The following IRS4 variants were observed in gnomAD, a reference collection of about 807,000 sequenced individuals.
The protein encoded by IRS4 is insulin receptor substrate 4.
Under a neutral mutation model 48.6 loss-of-function variants are expected in IRS4, and 15 were observed. That is an observed-to-expected ratio of 0.31 (90% CI 0.21 to 0.48). The LOEUF is 0.48. IRS4 is among the 20% of genes least tolerant of loss of function. The pLI is 0.99. For synonymous variants in IRS4, 459 were observed against 413.2 expected (o/e 1.11, Z -1.34); for missense variants, 987 against 1,023.4 (o/e 0.96, Z 0.49).
rs781288107 is a variant in IRS4, at chrX:108,735,928, G to A, written c.417C>T (p.Pro139=). The change falls in exon 1 of 2, where the codon CCC becomes CCT. Residue 139 remains proline (P), a synonymous_variant. Transcript: ENST00000372129. ...AAAAASGAAI[P]PLIPPRRVIT... Reference sequence around the variant, plus strand: ...TCACGCGCCGCGGTGGAATGAGCGGGGGGATCGCGGCGCCAGAGGCGGCCG... The same window carrying A: ...TCACGCGCCGCGGTGGAATGAGCGGAGGGATCGCGGCGCCAGAGGCGGCCG... 7 of 1,206,287 alleles carry A rather than the reference G, an allele frequency of 5.8e-6. No homozygotes were observed. The East Asian group carries it at 1.8e-4, about 31-fold the overall frequency.
At position 108,735,119 on chromosome X, in the gene IRS4, G is replaced by C. The variant is rs1310256339; in HGVS notation, c.1226C>G (p.Ser409Cys). The change falls in exon 1 of 2, where the codon TCC (serine) becomes TGC (cysteine). Residue 409 changes from serine to cysteine, a missense_variant. Coordinates refer to ENST00000372129, the MANE Select transcript of IRS4 (RefSeq NM_001379150.1). ...GGGCAGGTGCAGTCTTCCTCGCCTG[G>C]AGTGGGCCACAGGCTCGCTGGGTGT... ...FVTPSEPVAH[S>C]RRGRLHLPRG... 4 of 1,209,839 alleles carry C rather than the reference G, an allele frequency of 3.3e-6. No homozygotes were observed. In the African/African-American group the frequency reaches 7.0e-5, roughly 21 times the overall value.
chrX:108,734,276 C>T lies in IRS4; in HGVS notation c.2069G>A (p.Arg690Lys). 2.5e-6 allele frequency: 3 copies of T among 1,211,642 alleles called. No individual in the cohort carries two copies. The highest frequency in any genetic ancestry group is 3.4e-6 in the Non-Finnish European group (3 of 895,500). ...EGAARGPHRA[R>K]AFDEDEDDPY... ...GTCATCCTCATCTTCATCAAAAGCT[C>T]TGGCTCTGTGGGGACCTCGAGCTGC... The change falls in exon 1 of 2, where the codon AGA becomes AAA. Residue 690 changes from arginine (R) to lysine (K), a missense_variant. Physicochemically the swap from Arg to Lys is conservative, Grantham distance 26. Coordinates refer to ENST00000372129, the MANE Select transcript of IRS4 (RefSeq NM_001379150.1).
At position 108,734,907 on chromosome X, in the gene IRS4, G is replaced by C. The variant is rs1330568263; in HGVS notation, c.1438C>G (p.Gln480Glu). The change falls in exon 1 of 2, where the codon CAG becomes GAG. Residue 480 changes from glutamine to glutamate, a missense_variant. Transcript: ENST00000372129. The part of the protein sequence containing the change: ...EEGNPQGKED[Q>E]EGSGGDYMPM... ...ATGTAGTCACCTCCGCTTCCTTCCT[G>C]ATCTTCTTTGCCCTGGGGATTGCCT... 1 of 1,211,908 alleles carries C rather than the reference G, an allele frequency of 8.3e-7. No individual in the cohort carries two copies.
rs777926043 is a variant in IRS4, at chrX:108,734,331, C to T, written c.2014G>A (p.Glu672Lys). Residue 672 changes from glutamate to lysine, a missense_variant, in exon 1 of 2, where the codon GAA becomes AAA. Coordinates refer to ENST00000372129, the MANE Select transcript of IRS4 (RefSeq NM_001379150.1). ...GATKECKEAK[E>K]VKDAEIPEGA... ...TCTGGGATCTCTGCATCTTTCACTT[C>T]TTTGGCTTCTTTGCATTCTTTCGTG... The T allele has an allele frequency of 8.3e-7, 1 of 1,208,890 alleles. No homozygotes were observed. Among genetic ancestry groups the T allele is most frequent in the African/African-American group, 1.8e-5 (1 of 56,744 alleles).
chrX:108,736,282 C>CCGCTGCT lies in IRS4; in HGVS notation c.62_63insAGCAGCG (p.Ala24GlyfsTer83). 1 of 1,208,036 alleles carries CCGCTGCT rather than the reference C, an allele frequency of 8.3e-7. No individual in the cohort carries two copies. On this transcript the variant is annotated frameshift_variant, in exon 1 of 2. Coordinates refer to ENST00000372129, the MANE Select transcript of IRS4 (RefSeq NM_001379150.1). LOFTEE classifies it high-confidence loss of function. ...CCACTGCTGCTAGAGCTGCCGCTGCCGCCGCTGCTGCACCTCTTAGTCTTC... is the reference window on the plus strand; with the variant it reads ...CCACTGCTGCTAGAGCTGCCGCTGCCCGCTGCTGCCGCTGCTGCACCTCTTAGTCTTC...
rs1569511362 is a variant in IRS4, at chrX:108,736,279, T to C, written c.66A>G (p.Ala22=). ...TRRLRGAAAA[A]AAALAAVVTT... Reference sequence around the variant, plus strand: ...TCACCACTGCTGCTAGAGCTGCCGCTGCCGCCGCTGCTGCACCTCTTAGTC... The same window carrying C: ...TCACCACTGCTGCTAGAGCTGCCGCCGCCGCCGCTGCTGCACCTCTTAGTC... The change falls in exon 1 of 2, where the codon GCA becomes GCG. Residue 22 remains alanine, a synonymous_variant. Transcript: ENST00000372129. 8.4e-6 allele frequency: 10 copies of C among 1,189,620 alleles called. No individual in the cohort carries two copies. In the East Asian group the frequency reaches 2.1e-4, roughly 25 times the overall value.
At chrX:108,731,310 G>A (rs1301926708) in intron 1 of IRS4, among the ~76,000 whole-genome samples, 1 of 110,839 alleles carries the variant, frequency 9.0e-6, no homozygotes, top group African/African-American at 3.3e-5. Flanking sequence ...AAGCACAGTG[G>A]GCAGAGATCC....
Position 108,734,317 on chromosome X carries a change from T to C in IRS4, c.2028A>G (p.Ala676=). 8.3e-7 allele frequency: 1 copy of C among 1,211,307 alleles called. No homozygotes were observed. The highest frequency in any genetic ancestry group is 1.7e-5 in the African/African-American group (1 of 57,588). ...CTCGAGCTGCACCTTCTGGGATCTCTGCATCTTTCACTTCTTTGGCTTCTT... is the reference window on the plus strand; with the variant it reads ...CTCGAGCTGCACCTTCTGGGATCTCCGCATCTTTCACTTCTTTGGCTTCTT... ...ECKEAKEVKD[A]EIPEGAARGP... Residue 676 remains alanine (A), a synonymous_variant, in exon 1 of 2, where the codon GCA becomes GCG. Coordinates refer to ENST00000372129, the MANE Select transcript of IRS4 (RefSeq NM_001379150.1).
Position 108,734,436 on chromosome X carries a change from G to T in IRS4, c.1909C>A (p.Pro637Thr). ...CCACCAGTTCCTCCAGCTGGTGGGG[G>T]TGGAGGAGGAGGTGGTGGAGGTGGT... ...MPPPPPPPPP[P>T]PPAGGTGGKG... The change falls in exon 1 of 2, where the codon CCC becomes ACC. Residue 637 changes from proline (P) to threonine (T), a missense_variant. Around this residue, in one of 4 missense-constraint regions of IRS4, gnomAD observed 720 missense variants for 660.3 expected, o/e 1.09. Coordinates refer to ENST00000372129, the MANE Select transcript of IRS4 (RefSeq NM_001379150.1). 5.8e-6 allele frequency: 7 copies of T among 1,211,978 alleles called. No individual in the cohort carries two copies. The highest frequency in any genetic ancestry group is 7.8e-6 in the Non-Finnish European group (7 of 895,562).
rs2068923109 is a variant in IRS4 at position 108,733,604 on chromosome X, T to A, written c.2741A>T (p.Glu914Val). The A allele has an allele frequency of 3.3e-6, 4 of 1,212,119 alleles. No homozygotes were observed. The highest frequency in any genetic ancestry group is 4.5e-6 in the Non-Finnish European group (4 of 895,609). The change falls in exon 1 of 2, where the codon GAA (glutamate) becomes GTA (valine). Residue 914 changes from glutamate (E) to valine (V), a missense_variant. Coordinates refer to ENST00000372129, the MANE Select transcript of IRS4 (RefSeq NM_001379150.1). The stretch of plus-strand genomic sequence containing the variant: ...GACGTAGTCACTAGAGCTGTCAGCT[T>A]CTCTCTGCTCATGTGTGGGCTTTTG... ...KPQKPTHEQR[E>V]ADSSSDYVNM... is the part of the protein sequence containing the mutation.
At position 108,732,671 on chromosome X, in the gene IRS4, G is replaced by T. The variant is rs752900509; in HGVS notation, c.3674C>A (p.Pro1225His). 9 of 1,209,793 alleles carry T rather than the reference G, an allele frequency of 7.4e-6. No individual in the cohort carries two copies. In the Admixed American group the frequency reaches 1.7e-4, roughly 23 times the overall value. The change falls in exon 1 of 2, where the codon CCC becomes CAC. Residue 1225 changes from proline (P) to histidine (H), a missense_variant. Physicochemically the swap from Pro to His is moderately conservative, Grantham distance 77. Around this residue, in one of 4 missense-constraint regions of IRS4, gnomAD observed 720 missense variants for 660.3 expected, o/e 1.09. Coordinates refer to ENST00000372129, the MANE Select transcript of IRS4 (RefSeq NM_001379150.1). ...PPPRSRRVPR[P>H]PEREDSDNDD... is the part of the protein sequence containing the mutation. The stretch of plus-strand genomic sequence containing the variant: ...GTTGTCAGAATCTTCTCTCTCCGGG[G>T]GTCTTGGCACCCGGCGACTGCGAGG...
chrX:108,735,801 C>T lies in IRS4; in HGVS notation c.544G>A (p.Glu182Lys). 1 of 1,209,224 alleles carries T rather than the reference C, an allele frequency of 8.3e-7. No individual in the cohort carries two copies. The highest frequency in any genetic ancestry group is 1.1e-6 in the Non-Finnish European group (1 of 894,557). The stretch of plus-strand genomic sequence containing the variant: ...CAGCTTTCCTGCTCCGACTCGTTCT[C>T]GGCCACCATCGCGAAGTATTCGTCT... ...TQDEYFAMVA[E>K]NESEQESWYL... is the part of the protein sequence containing the mutation. The change falls in exon 1 of 2, where the codon GAG (glutamate) becomes AAG (lysine). Residue 182 changes from glutamate (E) to lysine (K), a missense_variant. Physicochemically the swap from Glu to Lys is moderately conservative, Grantham distance 56. This residue lies in a region of IRS4 where 173 missense variants were observed against 208.9 expected (regional missense o/e 0.83). Coordinates refer to ENST00000372129, the MANE Select transcript of IRS4 (RefSeq NM_001379150.1).
In IRS4 at chrX:108,734,774, C is replaced by A. The variant is rs1368438405; in HGVS notation, c.1571G>T (p.Gly524Val). The A allele has an allele frequency of 2.5e-6, 3 of 1,209,603 alleles. No homozygotes were observed. Among genetic ancestry groups the A allele is most frequent in the Non-Finnish European group, 3.4e-6 (3 of 895,181 alleles). ...ACCACCTCGGGATCCCTGTCCCTCG[C>A]CTGAACACTGGTTTCCTCCCGAGCT... ...SHSSGGNQCS[G>V]EGQGSRGGQG... The change falls in exon 1 of 2, where the codon GGC (glycine) becomes GTC (valine). Residue 524 changes from glycine to valine, a missense_variant. Gly to Val is a moderately radical substitution (Grantham distance 109). Coordinates refer to ENST00000372129, the MANE Select transcript of IRS4 (RefSeq NM_001379150.1).
At position 108,736,485 on chromosome X, in the gene IRS4, G is replaced by C; in HGVS notation, c.-141C>G. 2 of 993,147 alleles carry C rather than the reference G, an allele frequency of 2.0e-6. No individual in the cohort carries two copies. Among genetic ancestry groups the C allele is most frequent in the Middle Eastern group, 3.9e-4 (1 of 2,595 alleles). 81.8% of individuals were successfully genotyped at this position (993,147 alleles called of 1,213,427 possible). A position where few individuals can be genotyped will look rare whatever the true frequency, so the allele number is the denominator to read the frequency against. On this transcript the variant is annotated 5_prime_UTR_variant, in exon 1 of 2. Transcript: ENST00000372129. Reference sequence around the variant, plus strand: ...CCCGCGCCCCCGCCCACTCCACTCTGAGCGCACGACAGCGGGCAAAACAAC... The same window carrying C: ...CCCGCGCCCCCGCCCACTCCACTCTCAGCGCACGACAGCGGGCAAAACAAC...
Position 108,733,030 on chromosome X carries a change from T to C in IRS4, c.3315A>G (p.Thr1105=), listed in dbSNP as rs752731164. The change falls in exon 1 of 2, where the codon ACA becomes ACG. Residue 1105 remains threonine, a synonymous_variant. Transcript: ENST00000372129. ...GGGAAAGGTCTCTCTCGAGGCTGTC[T>C]GTTGGAAAAGCAGAGACAGCGGCTC... ...AARAAVSAFP[T]DSLERDLSPS... The C allele has an allele frequency of 8.3e-7, 1 of 1,211,528 alleles. No individual in the cohort carries two copies. The highest frequency in any genetic ancestry group is 3.0e-5 in the East Asian group (1 of 33,817).
At chrX:108,725,941 G>A (rs1361940222) in intron 1 of IRS4, 1 of 111,865 alleles carries the variant, frequency 8.9e-6, no homozygotes, top group Non-Finnish European at 1.9e-5. Flanking sequence ...GTGCATTCCA[G>A]TCTTGAGTAT....
In IRS4 at chrX:108,733,703, G is replaced by T; in HGVS notation, c.2642C>A (p.Pro881His). 8.3e-7 allele frequency: 1 copy of T among 1,211,551 alleles called. No individual in the cohort carries two copies. The highest frequency in any genetic ancestry group is 1.7e-5 in the African/African-American group (1 of 57,676). Residue 881 changes from proline to histidine, a missense_variant, in exon 1 of 2, where the codon CCC (proline) becomes CAC (histidine). Pro to His is a moderately conservative substitution (Grantham distance 77, BLOSUM62 -2). Around this residue, in one of 4 missense-constraint regions of IRS4, gnomAD observed 720 missense variants for 660.3 expected, o/e 1.09. Coordinates refer to ENST00000372129, the MANE Select transcript of IRS4 (RefSeq NM_001379150.1). ...GSPSKPSDHE[P>H]PKNKAKRPNR... is the part of the protein sequence containing the mutation. ...AGGTCTCTTAGCTTTATTCTTTGGG[G>T]GCTCATGATCTGAAGGCTTTGAAGG...
chrX:108,732,405 C>A (rs2068906918), intron 1 of IRS4, 174 bp downstream of exon 1: 2 of 844,427 alleles, frequency 2.4e-6, no homozygotes. Flanking sequence ...TAGATAAAAA[C>A]AAATTTTTGC....
At position 108,735,095 on chromosome X, in the gene IRS4, G is replaced by A. The variant is rs143848880; in HGVS notation, c.1250C>T (p.Pro417Leu). The A allele has an allele frequency of 7.8e-5, 94 of 1,209,887 alleles. No individual in the cohort carries two copies. Among genetic ancestry groups the A allele is most frequent in the Non-Finnish European group, 9.8e-5 (88 of 895,244 alleles). Residue 417 changes from proline (P) to leucine (L), a missense_variant, in exon 1 of 2, where the codon CCC becomes CTC. This residue lies in a region of IRS4 where 720 missense variants were observed against 660.3 expected (regional missense o/e 1.09). Transcript: ENST00000372129. ...CGCTCTCCTTGACCTGCGCCCTCTG[G>A]GCAGGTGCAGTCTTCCTCGCCTGGA... is the stretch of plus-strand genomic sequence containing the variant. Reference protein sequence around the residue: ...AHSRRGRLHLPRGRRSRRAVS... With the variant: ...AHSRRGRLHLLRGRRSRRAVS...
Sources: gnomAD v4.1 joint callset for allele counts (sites outside exome capture counted in the v4.1 genomes callset) on GRCh38, gnomAD v4.1.1 for gene constraint, gnomAD v4.1.1 regional missense constraint, MANE v1.5 for transcripts, NCBI Gene and HGNC (gene_info 2026-07-23, HGNC 2026-07-21) for gene names.